RIC8B: variants seen among roughly 807,000 people sequenced by gnomAD.
RIC8B encodes the protein chaperone Ric-8B.
A neutral mutation model predicts 57.5 loss-of-function variants in RIC8B; 16 were observed. That is an observed-to-expected ratio of 0.28 (90% CI 0.19 to 0.42). The LOEUF (loss-of-function observed/expected upper bound fraction) is 0.42, where lower values mean the gene tolerates loss of function less well. Among genes scored for constraint, RIC8B ranks in the 10% least tolerant of loss-of-function variants. RIC8B has a pLI of 1.00. For missense variants in RIC8B, 481 were observed against 677.0 expected, an observed-to-expected ratio of 0.71 and a Z score of 3.21; for synonymous variants, 216 against 250.8, an observed-to-expected ratio of 0.86 and a Z score of 1.31.
intron 8 of RIC8B, among the ~76,000 whole-genome samples, chr12:106,863,341 C>T (rs190807751): frequency 2.8e-4 from 43 of 152,142 alleles, no homozygotes; most frequent in African/African-American, 8.9e-4. Flanking sequence ...ATAATCAGAT[C>T]GAAAAGCTTA....
rs879396355 is a variant in RIC8B at position 106,791,317 on chromosome 12, T to G, written c.132+7273T>G. On this transcript the variant is annotated intron_variant, in intron 2 of 9. Coordinates refer to ENST00000392837, the MANE Select transcript of RIC8B (RefSeq NM_001330145.2). ...CTGTTTTTTAAACTGTTCTTTTATA[T>G]TACAATAGATTATAATGATATAAGC... Among the ~76,000 whole-genome samples the G allele has an allele frequency of 1.5e-4, 23 of 152,328 alleles. No individual in the cohort carries two copies. The East Asian group carries it at 1.7e-3, about 11-fold the overall frequency.
chr12:106,795,107 G>A (rs904820535), intron 2 of RIC8B, among the ~76,000 whole-genome samples: 1 of 151,996 alleles, frequency 6.6e-6, no homozygotes, highest in Admixed American at 6.6e-5. Context: ...GATAAATAAG[G>A]CTAATATATC....
chr12:106,785,813 C>CTGTGTG (rs61337359), intron 2 of RIC8B, among the ~76,000 whole-genome samples: 18 of 123,934 alleles, frequency 1.5e-4, no homozygotes, highest in South Asian at 2.9e-4. Context: ...CTCTCTCTCT[C>CTGTGTG]TGTGTGTGTG....
intron 4 of RIC8B, among the ~76,000 whole-genome samples, chr12:106,834,726 G>A (rs762354801): frequency 2.2e-4 from 34 of 152,130 alleles, no homozygotes; most frequent in Non-Finnish European, 4.0e-4. Context: ...GCTCACGCCT[G>A]TAATCCCAGC....
chr12:106,782,226 G>T (rs948913788), intron 1 of RIC8B, among the ~76,000 whole-genome samples: 2 of 152,018 alleles, frequency 1.3e-5, no homozygotes, highest in Admixed American at 1.3e-4. Flanking sequence ...CCACTATGTT[G>T]GATGACACTG....
At chr12:106,810,613 A>C (rs1418794674) in intron 2 of RIC8B, among the ~76,000 whole-genome samples, 1 of 152,202 alleles carries the variant, frequency 6.6e-6, no homozygotes, top group African/African-American at 2.4e-5. Flanking sequence ...CTAAAACTTA[A>C]ATAGAAAAGG....
intron 9 of RIC8B, among the ~76,000 whole-genome samples, chr12:106,878,431 C>T (rs1950771416): frequency 6.6e-6 from 1 of 152,142 alleles, no homozygotes; most frequent in Non-Finnish European, 1.5e-5. Context: ...ATATAAGATG[C>T]ACGCCCAGAC....
intron 2 of RIC8B, among the ~76,000 whole-genome samples, chr12:106,804,239 G>A (rs1593145863): frequency 1.4e-5 from 2 of 142,698 alleles, no homozygotes. Flanking sequence ...TTTTGAGACA[G>A]AGTCTCGCTC....
chr12:106,774,728 T>G lies in RIC8B; in HGVS notation c.-18T>G. ...CTTGGGCGCGCAGAGCGGCCGCGGC[T>G]CCCCCGCACCTGCGGCCATGGATGA... is the stretch of plus-strand genomic sequence containing the variant. On this transcript the variant is annotated 5_prime_UTR_variant, in exon 1 of 10. Coordinates refer to ENST00000392837, the MANE Select transcript of RIC8B (RefSeq NM_001330145.2). The G allele has an allele frequency of 6.5e-7, 1 of 1,542,956 alleles. No individual in the cohort carries two copies. The highest frequency in any genetic ancestry group is 1.9e-4 in the Middle Eastern group (1 of 5,276).
rs185355020 is a variant in RIC8B, at chr12:106,817,128, C to G, written c.741+1824C>G. 4.6e-5 allele frequency among the ~76,000 whole-genome samples: 7 copies of G among 152,296 alleles called. No homozygotes were observed. In the East Asian group the frequency reaches 7.7e-4, roughly 17 times the overall value. The stretch of plus-strand genomic sequence containing the variant: ...AACTTTTAGCAAACATTTAGTCATT[C>G]ATTCATCCAATCAGTCTGTCAGTCA... On this transcript the variant is annotated intron_variant, in intron 3 of 9. Transcript: ENST00000392837.
chr12:106,832,175 C>A (rs1176701085), intron 4 of RIC8B, among the ~76,000 whole-genome samples: 1 of 152,194 alleles, frequency 6.6e-6, no homozygotes, highest in Non-Finnish European at 1.5e-5. Flanking sequence ...AGCCCCCTGC[C>A]ACCACACACA....
chr12:106,802,921 T>A (rs2044802731), intron 2 of RIC8B, among the ~76,000 whole-genome samples: 1 of 151,888 alleles, frequency 6.6e-6, no homozygotes, highest in Non-Finnish European at 1.5e-5. Flanking sequence ...TTAAAAAAAA[T>A]GAACAGGGCT....
chr12:106,842,736 A>G lies in RIC8B; in HGVS notation c.984A>G (p.Lys328=). The G allele has an allele frequency of 6.2e-7, 1 of 1,614,004 alleles. No homozygotes were observed. Among genetic ancestry groups the G allele is most frequent in the Non-Finnish European group, 8.5e-7 (1 of 1,179,876 alleles). ...NKTAEKETVL[K]NNTMVYNGMN... ...CAGCTGAGAAAGAAACAGTTTTGAA[A>G]AACAATACCATGGTATACAATGGTA... The change falls in exon 5 of 10, where the codon AAA becomes AAG. Residue 328 remains lysine (K), a synonymous_variant. Transcript: ENST00000392837.
intron 1 of RIC8B, among the ~76,000 whole-genome samples, chr12:106,781,585 A>T (rs553544202): frequency 6.6e-6 from 1 of 152,210 alleles, no homozygotes. Context: ...ATATTTTCTA[A>T]TTAAGAGCAA....
intron 3 of RIC8B, 33 bp downstream of exon 3, chr12:106,815,337 G>T: frequency 6.4e-7 from 1 of 1,555,212 alleles, no homozygotes; most frequent in Non-Finnish European, 8.7e-7. Context: ...TGTCTACCTG[G>T]AATTTAATTG....
At position 106,879,342 on chromosome 12, in the gene RIC8B, C is replaced by T. The variant is rs1950814502; in HGVS notation, c.1572-6562C>T. 1.9e-5 allele frequency: 19 copies of T among 984,980 alleles called. No individual in the cohort carries two copies. The highest frequency in any genetic ancestry group is 1.9e-4 in the South Asian group (4 of 21,268). The allele number at this position is 984,980 out of a possible 1,614,324, so 61.0% of individuals were successfully genotyped here. On this transcript the variant is annotated intron_variant, in intron 9 of 9. Transcript: ENST00000392837. The surrounding 1 kb of genome is among the most constrained non-coding windows in gnomAD (Gnocchi z 4.9). ...CACGTCTGACCTATTCTATATTGTG[C>T]GATTGGGTATGTTAGTATCTGAACC...
At position 106,857,219 on chromosome 12, in the gene RIC8B, A is replaced by C. The variant is rs538298465; in HGVS notation, c.1307-3049A>C. Among the ~76,000 whole-genome samples, 208 of 152,212 alleles carry C rather than the reference A, an allele frequency of 1.4e-3. 1 individual carries two copies. Among genetic ancestry groups the C allele is most frequent in the African/African-American group, 4.6e-3 (193 of 41,546 alleles). On this transcript the variant is annotated intron_variant, in intron 7 of 9. Transcript: ENST00000392837. ...AGTTGTGTGGAATAAGAAATGGAGGAGTGTGAGACTGTATGGACACCAAGA... is the reference window on the plus strand; with the variant it reads ...AGTTGTGTGGAATAAGAAATGGAGGCGTGTGAGACTGTATGGACACCAAGA...
At chr12:106,822,860 G>A (rs544920836) in intron 3 of RIC8B, 10 of 152,814 alleles carry the variant, frequency 6.5e-5, no homozygotes, top group African/African-American at 2.4e-4. Flanking sequence ...ACAAGAGTCT[G>A]TATTTTATGA....
At chr12:106,846,116 C>G (rs537795380) in intron 6 of RIC8B, among the ~76,000 whole-genome samples, 4 of 152,232 alleles carry the variant, frequency 2.6e-5, no homozygotes, top group African/African-American at 9.6e-5. Flanking sequence ...GCTGATGACT[C>G]TCAAATTTAT....
Sources: allele counts gnomAD v4.1 joint callset (sites outside exome capture counted in the v4.1 genomes callset), GRCh38; gene constraint gnomAD v4.1.1; non-coding constraint Gnocchi (gnomAD v3.1); transcripts MANE v1.5; gene names NCBI Gene and HGNC (gene_info 2026-07-23, HGNC 2026-07-21).